Variants in TENM2 observed in about 807,000 individuals in gnomAD.
TENM2 encodes the protein teneurin transmembrane protein 2.
A neutral mutation model predicts 245.2 loss-of-function variants in TENM2; 52 were observed. The observed-to-expected ratio is 0.21, with a 90% CI of 0.17 to 0.27. TENM2 has a LOEUF of 0.27. TENM2 is among the 10% of genes least tolerant of loss of function. The probability of loss-of-function intolerance (pLI) is 1.00; values close to 1 mark genes in which losing one functional copy is unlikely to be tolerated. For synonymous variants in TENM2, 1,363 were observed against 1,438.9 expected, an observed-to-expected ratio of 0.95 and a Z score of 1.19; for missense variants, 3,046 against 3,666.8, an observed-to-expected ratio of 0.83 and a Z score of 4.37.
At chr5:167,045,868 C>T in the TENM2 span, among the ~76,000 whole-genome samples, 2 of 152,162 alleles carry the variant, frequency 1.3e-5, no homozygotes, top group South Asian at 2.1e-4. Flanking sequence ...CTGCACTTTA[C>T]GAGATTGAGG....
chr5:167,426,090 C>G (rs189819512), intron 2 of TENM2, among the ~76,000 whole-genome samples: 1 of 152,052 alleles, frequency 6.6e-6, no homozygotes, highest in Non-Finnish European at 1.5e-5. Flanking sequence ...CCTAAGAACC[C>G]GGACTCCCTT....
At chr5:167,571,486 C>A (rs1774260689) in intron 2 of TENM2, among the ~76,000 whole-genome samples, 1 of 152,006 alleles carries the variant, frequency 6.6e-6, no homozygotes, top group South Asian at 2.1e-4. Flanking sequence ...GACTTGGTCA[C>A]CCCAGTATAA....
chr5:167,023,860 G>A, the TENM2 span, among the ~76,000 whole-genome samples: 2 of 152,018 alleles, frequency 1.3e-5, no homozygotes, highest in Non-Finnish European at 2.9e-5. Flanking sequence ...ACTGTTGGAC[G>A]GAAAACCCAG....
intron 2 of TENM2, among the ~76,000 whole-genome samples, chr5:167,467,208 G>A (rs1766720401): frequency 6.6e-6 from 1 of 152,072 alleles, no homozygotes; most frequent in African/African-American, 2.4e-5. Context: ...TCGCGATAGT[G>A]AGTGAGTTCT....
intron 2 of TENM2, among the ~76,000 whole-genome samples, chr5:167,650,252 A>G (rs1734337437): frequency 6.6e-6 from 1 of 152,066 alleles, no homozygotes; most frequent in South Asian, 2.1e-4. Flanking sequence ...CATTTAGCAT[A>G]CTTTGTTCTT....
the TENM2 span, among the ~76,000 whole-genome samples, chr5:166,992,988 CCA>C: frequency 1.3e-5 from 2 of 152,158 alleles, no homozygotes; most frequent in African/African-American, 2.4e-5. Flanking sequence ...TCTGTGTAGT[CCA>C]CAGTCTCCCC....
At chr5:167,908,259 C>G (rs920755606) in intron 3 of TENM2, among the ~76,000 whole-genome samples, 4 of 151,890 alleles carry the variant, frequency 2.6e-5, no homozygotes, top group African/African-American at 9.7e-5. Context: ...GCTGTAAATC[C>G]TTTCAGGAAA....
At chr5:167,385,350 T>A (rs931858111) in intron 2 of TENM2, among the ~76,000 whole-genome samples, 2 of 152,100 alleles carry the variant, frequency 1.3e-5, no homozygotes, top group East Asian at 1.9e-4. Flanking sequence ...CTCATTTTTT[T>A]AATCAGACTT....
chr5:167,803,160 C>G (rs912100960), intron 2 of TENM2, among the ~76,000 whole-genome samples: 4 of 152,106 alleles, frequency 2.6e-5, no homozygotes, highest in Admixed American at 2.6e-4. Flanking sequence ...ACAGTGAACA[C>G]CAAATCTGCC....
intron 2 of TENM2, among the ~76,000 whole-genome samples, chr5:167,559,824 G>A (rs888958968): frequency 2.0e-5 from 3 of 152,188 alleles, no homozygotes; most frequent in Admixed American, 6.5e-5. Context: ...TGTTCAATGG[G>A]TAGGTGTTTT....
intron 2 of TENM2, among the ~76,000 whole-genome samples, chr5:167,748,598 A>T (rs1047230950): frequency 3.3e-5 from 5 of 152,054 alleles, no homozygotes; most frequent in African/African-American, 1.2e-4. Flanking sequence ...TGCTATTAAG[A>T]TACTACCCAA....
chr5:167,050,547 T>C, the TENM2 span, among the ~76,000 whole-genome samples: 3 of 152,154 alleles, frequency 2.0e-5, no homozygotes, highest in Non-Finnish European at 4.4e-5. Context: ...CAGTGAAGAA[T>C]AATTGAAGAG....
intron 2 of TENM2, among the ~76,000 whole-genome samples, chr5:167,762,435 A>G (rs1034909503): frequency 1.3e-5 from 2 of 152,210 alleles, no homozygotes; most frequent in Non-Finnish European, 2.9e-5. Flanking sequence ...ATCATATTCT[A>G]GAGAGATGCT....
chr5:167,702,612 C>T (rs1042210400), intron 2 of TENM2, among the ~76,000 whole-genome samples: 15 of 146,612 alleles, frequency 1.0e-4, no homozygotes, highest in Admixed American at 1.4e-4. Context: ...AAAGTTTTCC[C>T]AAGAACTGCT....
At chr5:167,397,763 C>T (rs965384144) in intron 2 of TENM2, among the ~76,000 whole-genome samples, 4 of 152,168 alleles carry the variant, frequency 2.6e-5, no homozygotes, top group African/African-American at 7.2e-5. Context: ...AGAATAGCAA[C>T]TTGATCTCAT....
intron 1 of TENM2, among the ~76,000 whole-genome samples, chr5:167,353,682 TA>T (rs1227092458): frequency 6.6e-6 from 1 of 151,648 alleles, no homozygotes; most frequent in African/African-American, 2.4e-5. Context: ...TAATTTTTTG[TA>T]TTTTTAGTAG....
the TENM2 span, among the ~76,000 whole-genome samples, chr5:167,040,180 T>C: frequency 1.3e-5 from 2 of 152,054 alleles, no homozygotes; most frequent in Non-Finnish European, 2.9e-5. Flanking sequence ...TGTGCTCTGC[T>C]TTACAACAAA....
At chr5:167,724,132 C>A (rs1285973894) in intron 2 of TENM2, among the ~76,000 whole-genome samples, 1 of 152,188 alleles carries the variant, frequency 6.6e-6, no homozygotes, top group Admixed American at 6.5e-5. Flanking sequence ...TTATATATCT[C>A]ATTGCATCTT....
At chr5:167,727,110 T>TC (rs1760069672) in intron 2 of TENM2, among the ~76,000 whole-genome samples, 3 of 134,092 alleles carry the variant, frequency 2.2e-5, no homozygotes, top group African/African-American at 8.4e-5. Context: ...ATTTCTTTTT[T>TC]TTTTTTTTTT....
Sources: allele counts gnomAD v4.1 joint callset (sites outside exome capture counted in the v4.1 genomes callset), GRCh38; gene constraint gnomAD v4.1.1; transcripts MANE v1.5; gene names NCBI Gene and HGNC (gene_info 2026-07-23, HGNC 2026-07-21).